The following GUCY1B1 variants were observed in gnomAD, a reference collection of about 807,000 sequenced individuals.
GUCY1B1 encodes guanylate cyclase soluble subunit beta-1.
In GUCY1B1, 43 loss-of-function variants were observed where a neutral mutation model predicts 71.0. The observed-to-expected ratio is 0.61, with a 90% CI of 0.47 to 0.78. GUCY1B1 has a LOEUF of 0.78. Among genes scored for constraint, GUCY1B1 ranks in the 30% least tolerant of loss-of-function variants. The pLI is 0.00. For missense variants in GUCY1B1, 535 were observed against 754.1 expected (o/e 0.71, Z 3.40); for synonymous variants, 266 against 259.7 (o/e 1.02, Z -0.23).
chr4:155,779,224 G>T (rs1452076763), intron 4 of GUCY1B1, among the ~76,000 whole-genome samples: 1 of 152,156 alleles, frequency 6.6e-6, no homozygotes, highest in African/African-American at 2.4e-5. Flanking sequence ...GATGGAGGCT[G>T]CAGTGAGTGA....
Position 155,806,551 on chromosome 4 carries a change from T to G in GUCY1B1, c.*142T>G. The stretch of plus-strand genomic sequence containing the variant: ...TTACCCCAAGACTTTCTTCTAGATA[T>G]ATCTCTCACTATCCGTTATTCAACC... On this transcript the variant is annotated 3_prime_UTR_variant, in exon 14 of 14. Transcript: ENST00000264424. 1 of 586,690 alleles carries G rather than the reference T, an allele frequency of 1.7e-6. No individual in the cohort carries two copies. 36.3% of individuals were successfully genotyped at this position (586,690 alleles called of 1,614,324 possible).
At chr4:155,759,386 T>G in intron 1 of GUCY1B1, 1 of 547,294 alleles carries the variant, frequency 1.8e-6, no homozygotes, top group Non-Finnish European at 3.2e-6. Flanking sequence ...CGCAGCTTCC[T>G]GAGCTCGGGA....
At chr4:155,792,565 G>C (rs996064034) in intron 5 of GUCY1B1, among the ~76,000 whole-genome samples, 1 of 149,622 alleles carries the variant, frequency 6.7e-6, no homozygotes, top group Non-Finnish European at 1.5e-5. Flanking sequence ...ATATCTAAAA[G>C]AATATATACA....
chr4:155,767,387 T>C (rs529747393), intron 2 of GUCY1B1, among the ~76,000 whole-genome samples: 3 of 152,232 alleles, frequency 2.0e-5, no homozygotes, highest in African/African-American at 7.2e-5. Context: ...AAATGAAGAT[T>C]TGTAAGTTTT....
chr4:155,764,116 T>G (rs773684687), intron 2 of GUCY1B1, among the ~76,000 whole-genome samples: 6 of 152,174 alleles, frequency 3.9e-5, no homozygotes, highest in Non-Finnish European at 8.8e-5. Context: ...CAAAGCAAAT[T>G]AAAACAAACA....
intron 2 of GUCY1B1, among the ~76,000 whole-genome samples, chr4:155,768,455 T>A (rs1415628681): frequency 9.1e-6 from 1 of 109,978 alleles, no homozygotes; most frequent in Non-Finnish European, 1.7e-5. Flanking sequence ...ATTACTTGTT[T>A]GTTTTTTTTT....
At chr4:155,803,094 T>C (rs563551765) in intron 10 of GUCY1B1, among the ~76,000 whole-genome samples, 1 of 152,334 alleles carries the variant, frequency 6.6e-6, no homozygotes, top group African/African-American at 2.4e-5. Context: ...GTCAGTGGAA[T>C]ATTGCTACAT....
chr4:155,761,490 C>T (rs1579182174), intron 2 of GUCY1B1, among the ~76,000 whole-genome samples: 1 of 152,108 alleles, frequency 6.6e-6, no homozygotes, highest in East Asian at 1.9e-4. Flanking sequence ...ATTAAACAGT[C>T]ATTATGTAAT....
intron 2 of GUCY1B1, 78 bp downstream of exon 2, chr4:155,759,938 A>T: frequency 6.6e-6 from 7 of 1,067,758 alleles, no homozygotes; most frequent in Non-Finnish European, 1.0e-5. Context: ...CCTGGTCCTC[A>T]GCCTGCTGGC....
intron 2 of GUCY1B1, among the ~76,000 whole-genome samples, chr4:155,773,248 G>T (rs1737814833): frequency 6.6e-6 from 1 of 152,284 alleles, no homozygotes; most frequent in Admixed American, 6.5e-5. Flanking sequence ...AGTTGGCCAT[G>T]TGGGTTTTTT....
intron 2 of GUCY1B1, among the ~76,000 whole-genome samples, chr4:155,767,855 T>C (rs1561002202): frequency 1.3e-5 from 2 of 151,882 alleles, no homozygotes. Context: ...TTAGATGTTA[T>C]ATATAGTTAC....
chr4:155,786,162 T>G (rs1738749382), intron 4 of GUCY1B1, among the ~76,000 whole-genome samples: 1 of 151,802 alleles, frequency 6.6e-6, no homozygotes, highest in African/African-American at 2.4e-5. Context: ...AAAAGATGAG[T>G]ATGAAAATGA....
intron 2 of GUCY1B1, among the ~76,000 whole-genome samples, chr4:155,763,929 C>T (rs956073837): frequency 6.6e-6 from 1 of 152,058 alleles, no homozygotes; most frequent in African/African-American, 2.4e-5. Flanking sequence ...AGTTTTTAAA[C>T]TTTCCGTTCC....
chr4:155,787,172 C>G (rs572354362), intron 4 of GUCY1B1, among the ~76,000 whole-genome samples: 1 of 152,228 alleles, frequency 6.6e-6, no homozygotes, highest in East Asian at 1.9e-4. Flanking sequence ...GAGAATGATT[C>G]ATCATTGGAA....
At chr4:155,773,101 A>G (rs1290047828) in intron 2 of GUCY1B1, among the ~76,000 whole-genome samples, 2 of 152,240 alleles carry the variant, frequency 1.3e-5, no homozygotes, top group Admixed American at 1.3e-4. Context: ...TAGAGTGGCT[A>G]CTTTCCTTTG....
rs540679331 is a variant in GUCY1B1, at chr4:155,759,150, G to C, written c.3+7G>C. The stretch of plus-strand genomic sequence containing the variant: ...TCCCGGTGCAGACACCATGGTAAGT[G>C]CTCTCAGCCGGGTGCGGCCCGAACC... On this transcript the variant is annotated splice_region_variant and intron_variant, in intron 1 of 13. Coordinates refer to ENST00000264424, the MANE Select transcript of GUCY1B1 (RefSeq NM_000857.5). The C allele has an allele frequency of 1.6e-5, 26 of 1,585,250 alleles. No individual in the cohort carries two copies. The East Asian group carries it at 5.6e-4, about 34-fold the overall frequency.
At chr4:155,775,578 G>C (rs1023038723) in intron 3 of GUCY1B1, among the ~76,000 whole-genome samples, 2 of 152,186 alleles carry the variant, frequency 1.3e-5, no homozygotes, top group African/African-American at 2.4e-5. Flanking sequence ...GCAGGTGTGA[G>C]CCTCCACGCC....
At chr4:155,794,582 G>C (rs1739418995) in intron 6 of GUCY1B1, among the ~76,000 whole-genome samples, 1 of 152,186 alleles carries the variant, frequency 6.6e-6, no homozygotes. Context: ...AGAAACTGCT[G>C]TTGACTTCTA....
intron 6 of GUCY1B1, among the ~76,000 whole-genome samples, chr4:155,794,533 GT>G (rs1355786611): frequency 1.3e-5 from 2 of 152,190 alleles, no homozygotes; most frequent in African/African-American, 2.4e-5. Flanking sequence ...GATGGATTCA[GT>G]AGAAAAAGCA....
Sources: allele counts gnomAD v4.1 joint callset (sites outside exome capture counted in the v4.1 genomes callset), GRCh38; gene constraint gnomAD v4.1.1; transcripts MANE v1.5; gene names NCBI Gene and HGNC (gene_info 2026-07-23, HGNC 2026-07-21).